The following CCDC138 variants were observed in gnomAD, a reference collection of about 807,000 sequenced individuals.
CCDC138 encodes coiled-coil domain-containing protein 138.
Under a neutral mutation model 82.3 loss-of-function variants are expected in CCDC138, and 66 were observed. The ratio of observed to expected loss-of-function variants is 0.80; its 90% confidence interval spans 0.66 to 0.98. The LOEUF is 0.98. Among genes scored for constraint, CCDC138 ranks in the 50% least tolerant of loss-of-function variants. The pLI is 0.00. For missense variants in CCDC138, 816 were observed against 758.9 expected, an observed-to-expected ratio of 1.08 and a Z score of -0.88; for synonymous variants, 297 against 265.4, an observed-to-expected ratio of 1.12 and a Z score of -1.16.
At chr2:108,808,246 A>G (rs1302861342) in intron 7 of CCDC138, among the ~76,000 whole-genome samples, 1 of 152,170 alleles carries the variant, frequency 6.6e-6, no homozygotes, top group Non-Finnish European at 1.5e-5. Context: ...TTCTTCATAA[A>G]TTTATCTATC....
intron 5 of CCDC138, among the ~76,000 whole-genome samples, chr2:108,795,174 C>CTTT (rs1680664221): frequency 6.5e-4 from 11 of 17,048 alleles, no homozygotes; most frequent in African/African-American, 9.1e-4. Context: ...TTTTTTTTTG[C>CTTT]GATGGAATCT....
intron 10 of CCDC138, among the ~76,000 whole-genome samples, chr2:108,820,573 A>T (rs1685512274): frequency 1.3e-5 from 2 of 152,176 alleles, no homozygotes; most frequent in South Asian, 4.1e-4. Flanking sequence ...AAATACAAAG[A>T]GAATCTTTTA....
chr2:108,789,069 T>A, intron 3 of CCDC138, 103 bp downstream of exon 3: 1 of 1,185,960 alleles, frequency 8.4e-7, no homozygotes, highest in Non-Finnish European at 1.2e-6. Flanking sequence ...TGAGGACAAG[T>A]ATGAGGACAA....
At chr2:108,858,138 G>T (rs1028618239) in intron 13 of CCDC138, among the ~76,000 whole-genome samples, 1 of 152,208 alleles carries the variant, frequency 6.6e-6, no homozygotes, top group Admixed American at 6.5e-5. Context: ...GAGATCAGGA[G>T]TTCAAGGCCA....
chr2:108,796,160 T>C (rs1454829942), intron 5 of CCDC138, among the ~76,000 whole-genome samples: 1 of 152,070 alleles, frequency 6.6e-6, no homozygotes, highest in Non-Finnish European at 1.5e-5. Context: ...GCCATTCTCC[T>C]GCCTCAGCCT....
intron 7 of CCDC138, among the ~76,000 whole-genome samples, chr2:108,805,801 CTA>C (rs750219158): frequency 1.3e-4 from 20 of 152,090 alleles, no homozygotes; most frequent in Middle Eastern, 3.4e-3. Context: ...TGAGTTATGT[CTA>C]TTTTTTTCCT....
At chr2:108,860,935 CT>C (rs70956282) in intron 13 of CCDC138, among the ~76,000 whole-genome samples, 15 of 37,932 alleles carry the variant, frequency 4.0e-4, no homozygotes, top group Admixed American at 1.0e-3. Context: ...TGGTCCAGGA[CT>C]TTTTTTTTTT....
intron 12 of CCDC138, among the ~76,000 whole-genome samples, chr2:108,854,007 T>A (rs1385847582): frequency 1.0e-5 from 1 of 98,714 alleles, no homozygotes; most frequent in African/African-American, 4.1e-5. Context: ...TTATATTATA[T>A]ATAATATATA....
intron 3 of CCDC138, 198 bp from the exon 4 acceptor site, chr2:108,791,477 G>A: frequency 1.7e-6 from 1 of 597,416 alleles, no homozygotes; most frequent in East Asian, 3.6e-5. Context: ...TGTAGAAAAA[G>A]ATGCTTGTAG....
intron 13 of CCDC138, among the ~76,000 whole-genome samples, chr2:108,860,515 T>A (rs1444297432): frequency 7.0e-6 from 1 of 142,950 alleles, no homozygotes; most frequent in East Asian, 2.0e-4. Flanking sequence ...TTGTTGAGGT[T>A]TTTTTTTTTT....
chr2:108,878,234 T>C (rs1263136903), downstream of CCDC138: 3 of 152,462 alleles, frequency 2.0e-5, no homozygotes, highest in African/African-American at 7.2e-5. Context: ...AAAGGATAAA[T>C]AATGGAAAAA....
At chr2:108,843,867 TGTGTGTGTG>T (rs1689950416) in intron 11 of CCDC138, among the ~76,000 whole-genome samples, 9 of 140,258 alleles carry the variant, frequency 6.4e-5, no homozygotes, top group South Asian at 2.4e-4. Context: ...TGTGTGTGTG[TGTGTGTGTG>T]TGTTTCTTTC....
intron 9 of CCDC138, among the ~76,000 whole-genome samples, chr2:108,815,445 T>C (rs1204526833): frequency 6.8e-6 from 1 of 147,374 alleles, no homozygotes; most frequent in Admixed American, 6.9e-5. Flanking sequence ...TAATATTAGT[T>C]GGGGAGGTTT....
chr2:108,866,021 T>C (rs754623783), intron 13 of CCDC138, among the ~76,000 whole-genome samples: 5 of 152,302 alleles, frequency 3.3e-5, no homozygotes, highest in East Asian at 3.9e-4. Flanking sequence ...TCCTGTCTTA[T>C]GGAGCTGTGC....
At chr2:108,820,083 A>T (rs967309220) in intron 10 of CCDC138, among the ~76,000 whole-genome samples, 20 of 152,212 alleles carry the variant, frequency 1.3e-4, no homozygotes, top group Non-Finnish European at 2.5e-4. Flanking sequence ...TACGCAGAAG[A>T]CATCAACACA....
At chr2:108,836,295 A>G (rs1688571405) in intron 10 of CCDC138, among the ~76,000 whole-genome samples, 1 of 152,176 alleles carries the variant, frequency 6.6e-6, no homozygotes, top group African/African-American at 2.4e-5. Context: ...CACTTAGCAT[A>G]ATATCCATAA....
At chr2:108,872,243 C>T (rs907990857) in intron 13 of CCDC138, among the ~76,000 whole-genome samples, 5 of 152,142 alleles carry the variant, frequency 3.3e-5, no homozygotes, top group African/African-American at 1.2e-4. Flanking sequence ...CTCCCCCCAC[C>T]ATAGCATCCT....
intron 7 of CCDC138, among the ~76,000 whole-genome samples, chr2:108,808,127 A>G (rs1444794455): frequency 2.0e-5 from 3 of 152,164 alleles, no homozygotes; most frequent in Non-Finnish European, 4.4e-5. Flanking sequence ...TTTCAGGTTC[A>G]TCCATGTTGC....
At chr2:108,823,230 C>T (rs1685998621) in intron 10 of CCDC138, among the ~76,000 whole-genome samples, 1 of 152,182 alleles carries the variant, frequency 6.6e-6, no homozygotes, top group Non-Finnish European at 1.5e-5. Flanking sequence ...AATTAACACC[C>T]ATCCTCCTCA....
Sources: allele counts gnomAD v4.1 joint callset (sites outside exome capture counted in the v4.1 genomes callset), GRCh38; gene constraint gnomAD v4.1.1; transcripts MANE v1.5; gene names NCBI Gene and HGNC (gene_info 2026-07-23, HGNC 2026-07-21).